The following UNC5D variants were observed in gnomAD, a reference collection of about 807,000 sequenced individuals.
UNC5D encodes netrin receptor UNC5D.
Under a neutral mutation model 105.4 loss-of-function variants are expected in UNC5D, and 39 were observed. That is an observed-to-expected ratio of 0.37 (90% CI 0.29 to 0.48). The LOEUF (loss-of-function observed/expected upper bound fraction) is 0.48. Among genes scored for constraint, UNC5D ranks in the 20% least tolerant of loss-of-function variants. The probability of loss-of-function intolerance (pLI) is 0.98; values close to 1 mark genes in which losing one functional copy is unlikely to be tolerated. For missense variants in UNC5D, 991 were observed against 1,202.4 expected (o/e 0.82, Z 2.60); for synonymous variants, 452 against 450.4 (o/e 1.00, Z -0.04).
intron 1 of UNC5D, among the ~76,000 whole-genome samples, chr8:35,494,817 T>C (rs1811442858): frequency 6.6e-6 from 1 of 152,236 alleles, no homozygotes; most frequent in African/African-American, 2.4e-5. Flanking sequence ...ATTTTAATTC[T>C]ATCGTGTGAA....
intron 1 of UNC5D, among the ~76,000 whole-genome samples, chr8:35,464,478 C>T (rs981500467): frequency 6.6e-6 from 1 of 152,194 alleles, no homozygotes; most frequent in Non-Finnish European, 1.5e-5. Context: ...CACTTGAGTG[C>T]CCAGGTTATT....
intron 14 of UNC5D, among the ~76,000 whole-genome samples, chr8:35,764,205 A>T (rs1017739641): frequency 2.0e-5 from 3 of 152,198 alleles, no homozygotes; most frequent in African/African-American, 4.8e-5. Context: ...GATGGCAATC[A>T]GTTTCCAAAA....
intron 1 of UNC5D, among the ~76,000 whole-genome samples, chr8:35,472,791 C>T (rs941180629): frequency 6.6e-6 from 1 of 152,142 alleles, no homozygotes; most frequent in African/African-American, 2.4e-5. Flanking sequence ...GCAAGCTTCT[C>T]ACCTTGGACA....
At chr8:35,439,154 A>C (rs1807231500) in intron 1 of UNC5D, among the ~76,000 whole-genome samples, 1 of 152,022 alleles carries the variant, frequency 6.6e-6, no homozygotes, top group African/African-American at 2.4e-5. Flanking sequence ...CAGACTGAAA[A>C]GTACTTAAAA....
At chr8:35,309,544 A>G (rs1808713157) in intron 1 of UNC5D, among the ~76,000 whole-genome samples, 1 of 152,162 alleles carries the variant, frequency 6.6e-6, no homozygotes, top group Non-Finnish European at 1.5e-5. Context: ...TCTCCTTTGA[A>G]ACAAGCCAAG....
intron 1 of UNC5D, among the ~76,000 whole-genome samples, chr8:35,246,218 G>A (rs1803086733): frequency 6.6e-6 from 1 of 151,906 alleles, no homozygotes; most frequent in South Asian, 2.1e-4. Context: ...TTTCTGTACC[G>A]TTTATTCACA....
At chr8:35,303,616 A>G (rs1319332074) in intron 1 of UNC5D, among the ~76,000 whole-genome samples, 1 of 152,164 alleles carries the variant, frequency 6.6e-6, no homozygotes, top group Non-Finnish European at 1.5e-5. Context: ...TGTAGTAATG[A>G]GAGTTTACTT....
intron 1 of UNC5D, among the ~76,000 whole-genome samples, chr8:35,424,121 G>T (rs774363555): frequency 4.6e-5 from 7 of 152,078 alleles, no homozygotes; most frequent in Non-Finnish European, 8.8e-5. Flanking sequence ...AATGCTGAGG[G>T]AGTTTGAGGG....
At chr8:35,544,115 C>T (rs892752447) in intron 1 of UNC5D, among the ~76,000 whole-genome samples, 4 of 152,158 alleles carry the variant, frequency 2.6e-5, no homozygotes, top group African/African-American at 9.7e-5. Context: ...GTGACACCCA[C>T]CTTGGAGAGT....
intron 1 of UNC5D, among the ~76,000 whole-genome samples, chr8:35,425,539 C>T (rs1206460642): frequency 6.6e-6 from 1 of 152,048 alleles, no homozygotes; most frequent in Non-Finnish European, 1.5e-5. Flanking sequence ...TGCAGCATGC[C>T]CGTGAGTTAA....
intron 1 of UNC5D, among the ~76,000 whole-genome samples, chr8:35,482,526 T>C (rs578132099): frequency 6.6e-6 from 1 of 152,320 alleles, no homozygotes; most frequent in South Asian, 2.1e-4. Flanking sequence ...TTTGCCACAG[T>C]TGACGAACCA....
intron 16 of UNC5D, among the ~76,000 whole-genome samples, chr8:35,789,442 G>GA (rs933667906): frequency 1.3e-4 from 19 of 151,080 alleles, no homozygotes; most frequent in East Asian, 3.9e-4. Context: ...ACGTTAAAAA[G>GA]AAAAAAAATA....
At chr8:35,425,228 A>G (rs1382400889) in intron 1 of UNC5D, among the ~76,000 whole-genome samples, 6 of 152,232 alleles carry the variant, frequency 3.9e-5, no homozygotes, top group Admixed American at 3.9e-4. Context: ...TCTTCTCACA[A>G]AGGTGAATGT....
intron 1 of UNC5D, among the ~76,000 whole-genome samples, chr8:35,526,937 CTGTT>C (rs1813918083): frequency 6.6e-6 from 1 of 152,292 alleles, no homozygotes; most frequent in Non-Finnish European, 1.5e-5. Flanking sequence ...GTGTAAATGA[CTGTT>C]TGTATCCATC....
At chr8:35,264,613 C>T (rs1429394266) in intron 1 of UNC5D, among the ~76,000 whole-genome samples, 1 of 151,750 alleles carries the variant, frequency 6.6e-6, no homozygotes, top group East Asian at 1.9e-4. Flanking sequence ...GCCTGTAATC[C>T]CAGCTACTTG....
At chr8:35,423,989 G>A (rs1385180777) in intron 1 of UNC5D, among the ~76,000 whole-genome samples, 1 of 151,830 alleles carries the variant, frequency 6.6e-6, no homozygotes. Flanking sequence ...TTGTAGAGAT[G>A]GGGTCTTGCT....
chr8:35,525,403 G>A, intron 1 of UNC5D: 3 of 1,612,128 alleles, frequency 1.9e-6, no homozygotes, highest in Non-Finnish European at 2.5e-6. Context: ...ATGGTCTTGT[G>A]AATGGTCTGG....
intron 1 of UNC5D, among the ~76,000 whole-genome samples, chr8:35,356,857 A>G (rs4739303): frequency 0.1 from 15,255 of 152,186 alleles, 886 homozygotes; most frequent in East Asian, 0.21. Flanking sequence ...GGGGAGCATC[A>G]ACAGCATAGA....
At chr8:35,440,221 G>T (rs1195455812) in intron 1 of UNC5D, among the ~76,000 whole-genome samples, 1 of 151,794 alleles carries the variant, frequency 6.6e-6, no homozygotes, top group African/African-American at 2.4e-5. Context: ...TGTCCATCTG[G>T]GCTTAACTGA....
Sources: gnomAD v4.1 joint callset for allele counts (sites outside exome capture counted in the v4.1 genomes callset) on GRCh38, gnomAD v4.1.1 for gene constraint, MANE v1.5 for transcripts, NCBI Gene and HGNC (gene_info 2026-07-23, HGNC 2026-07-21) for gene names.